The following RAB5C variants were observed in gnomAD, a reference collection of about 807,000 sequenced individuals.
RAB5C encodes the protein ras-related protein Rab-5C.
In RAB5C, 4 loss-of-function variants were observed where a neutral mutation model predicts 25.2. The ratio of observed to expected loss-of-function variants is 0.16; its 90% CI spans 0.08 to 0.36. The LOEUF is 0.36. Among genes scored for constraint, RAB5C ranks in the 10% least tolerant of loss-of-function variants. The pLI, the probability that RAB5C is intolerant of heterozygous loss-of-function variation, is 1.00. For synonymous variants in RAB5C, 100 were observed against 106.4 expected, an observed-to-expected ratio of 0.94 and a Z score of 0.37; for missense variants, 199 against 283.8, an observed-to-expected ratio of 0.70 and a Z score of 2.15.
chr17:42,140,515 ATTTTTTTTTTTTT>A (rs10553272), intron 1 of RAB5C, among the ~76,000 whole-genome samples: 443 of 26,614 alleles, frequency 0.017, 7 homozygotes, highest in African/African-American at 0.063. Context: ...ATATATATAT[ATTTTTTTTTTTTT>A]TTTTTTTTTT....
At chr17:42,138,321 G>T (rs980117103) in intron 1 of RAB5C, among the ~76,000 whole-genome samples, 1 of 152,186 alleles carries the variant, frequency 6.6e-6, no homozygotes, top group African/African-American at 2.4e-5. Flanking sequence ...GGGAAGCTTG[G>T]CCCTGGCCCT....
At chr17:42,154,230 G>C (rs969151568) in intron 1 of RAB5C, among the ~76,000 whole-genome samples, 10 of 152,180 alleles carry the variant, frequency 6.6e-5, no homozygotes, top group African/African-American at 2.2e-4. Context: ...AAATTCTTCA[G>C]AGGCAGAAAG....
intron 1 of RAB5C, chr17:42,136,255 G>C (rs2054535536): frequency 6.6e-6 from 1 of 152,198 alleles, no homozygotes; most frequent in African/African-American, 2.4e-5. Flanking sequence ...TAGTTGGGGA[G>C]ATGATTTACC....
chr17:42,148,896 T>C (rs898966435), intron 1 of RAB5C, among the ~76,000 whole-genome samples: 74 of 152,130 alleles, frequency 4.9e-4, no homozygotes, highest in African/African-American at 1.8e-3. Context: ...ACATGGGGAT[T>C]AAACACAGAA....
intron 1 of RAB5C, among the ~76,000 whole-genome samples, chr17:42,146,101 C>G (rs565232461): frequency 6.6e-5 from 10 of 152,264 alleles, no homozygotes; most frequent in African/African-American, 1.7e-4. Context: ...GTCACCGCGC[C>G]TGGCCGAGAT....
At chr17:42,136,620 T>C (rs2054539095) in intron 1 of RAB5C, 1 of 152,178 alleles carries the variant, frequency 6.6e-6, no homozygotes, top group South Asian at 2.1e-4. Flanking sequence ...TCAGATCAAG[T>C]GAAACAATGC....
At chr17:42,152,536 T>G (rs1355958614) in intron 1 of RAB5C, among the ~76,000 whole-genome samples, 2 of 152,102 alleles carry the variant, frequency 1.3e-5, no homozygotes. Flanking sequence ...CCTAGCACTT[T>G]GGGAGGCTGA....
chr17:42,128,495 A>G (rs1408032590), intron 3 of RAB5C, 112 bp from the exon 4 acceptor site: 4 of 1,457,270 alleles, frequency 2.7e-6, no homozygotes, highest in East Asian at 2.5e-5. Context: ...ATTGCCACCT[A>G]AAGATTCTGA....
chr17:42,129,714 G>A (rs2054466014), intron 2 of RAB5C, among the ~76,000 whole-genome samples: 1 of 152,198 alleles, frequency 6.6e-6, no homozygotes, highest in South Asian at 2.1e-4. Flanking sequence ...GTTTCCAGCT[G>A]CCTAGAAACC....
At position 42,125,741 on chromosome 17, in the gene RAB5C, T is replaced by C. The variant is rs371482256; in HGVS notation, c.*42A>G. On this transcript the variant is annotated 3_prime_UTR_variant, in exon 6 of 6. Coordinates refer to ENST00000346213, the MANE Select transcript of RAB5C (RefSeq NM_004583.4). ...GTTAGAGTGGATTCCAGTCGGGTCA[T>C]TCAGGCGGAGGAGGCGGGGGCAGCG... 7.0e-6 allele frequency: 10 copies of C among 1,421,698 alleles called. No individual in the cohort carries two copies. Among genetic ancestry groups the C allele is most frequent in the Non-Finnish European group, 9.7e-6 (10 of 1,033,734 alleles). The allele number at this position is 1,421,698 out of a possible 1,614,324, so 88.1% of individuals were successfully genotyped here.
At chr17:42,150,830 GA>G (rs2144102395) in intron 1 of RAB5C, among the ~76,000 whole-genome samples, 1 of 151,710 alleles carries the variant, frequency 6.6e-6, no homozygotes, top group East Asian at 1.9e-4. Flanking sequence ...CTGGGCAACA[GA>G]ATGAGAATGA....
rs148334791 is a variant in RAB5C, at chr17:42,125,935, AC to A, written c.536-38del. On this transcript the variant is annotated intron_variant, in intron 5 of 5. Coordinates refer to ENST00000346213, the MANE Select transcript of RAB5C (RefSeq NM_004583.4). Reference sequence around the variant, plus strand: ...GGGGAAAAGTGCATTTGTTGGGGGTACCCCAATAACTCTCCCAGTTCCACTG... The same window carrying A: ...GGGGAAAAGTGCATTTGTTGGGGGTACCCAATAACTCTCCCAGTTCCACTG... The A allele has an allele frequency of 2.4e-3, 3,421 of 1,439,328 alleles. 70 individuals carry two copies. The African/African-American group carries it at 0.043, about 18-fold the overall frequency. The allele number at this position is 1,439,328 out of a possible 1,614,324, so 89.2% of individuals were successfully genotyped here. A position where few individuals can be genotyped will look rare whatever the true frequency, so the allele number is the denominator to read the frequency against.
chr17:42,125,765 C>G lies in RAB5C; in HGVS notation c.*18G>C. The G allele has an allele frequency of 6.4e-7, 1 of 1,558,336 alleles. No individual in the cohort carries two copies. The highest frequency in any genetic ancestry group is 8.7e-7 in the Non-Finnish European group (1 of 1,146,662). ...ATTCAGGCGGAGGAGGCGGGGGCAG[C>G]GGGCAGGCAAGGGGGGCTCAGTTGC... On this transcript the variant is annotated 3_prime_UTR_variant, in exon 6 of 6. Coordinates refer to ENST00000346213, the MANE Select transcript of RAB5C (RefSeq NM_004583.4).
intron 1 of RAB5C, among the ~76,000 whole-genome samples, chr17:42,134,344 T>G (rs1450590472): frequency 6.6e-6 from 1 of 152,188 alleles, no homozygotes; most frequent in Non-Finnish European, 1.5e-5. Context: ...TAGCCAAAAC[T>G]GACATAGTTT....
At chr17:42,130,287 T>C (rs757716374) in intron 2 of RAB5C, 50 bp downstream of exon 2, 7 of 1,549,898 alleles carry the variant, frequency 4.5e-6, no homozygotes, top group Non-Finnish European at 6.1e-6. Context: ...GGTCAAAGCA[T>C]TTCTTTGGCA....
At chr17:42,154,771 G>C (rs867557325) in intron 1 of RAB5C, 122 bp downstream of exon 1, 1 of 152,360 alleles carries the variant, frequency 6.6e-6, no homozygotes, top group South Asian at 2.1e-4. Flanking sequence ...CCCCTCAAGA[G>C]GGGGCTACGG....
At chr17:42,128,531 GCCCACCC>G in intron 3 of RAB5C, 111 bp downstream of exon 3, 1 of 1,188,306 alleles carries the variant, frequency 8.4e-7, no homozygotes, top group Non-Finnish European at 1.1e-6. Flanking sequence ...CAGGAAATCT[GCCCACCC>G]CCCACCCAGG....
intron 1 of RAB5C, among the ~76,000 whole-genome samples, chr17:42,135,582 G>T (rs894572196): frequency 6.6e-6 from 1 of 151,834 alleles, no homozygotes; most frequent in South Asian, 2.2e-4. Flanking sequence ...AGGCACCCCC[G>T]ATCAGTGCTG....
In RAB5C at chr17:42,130,574, G is replaced by A. The variant is rs750431886; in HGVS notation, c.-72C>T. 8 of 1,588,822 alleles carry A rather than the reference G, an allele frequency of 5.0e-6. No individual in the cohort carries two copies. The East Asian group carries it at 1.4e-4, about 27-fold the overall frequency. On this transcript the variant is annotated 5_prime_UTR_variant, in exon 2 of 6. Transcript: ENST00000346213. ...GTGCTATGCAAAGAGGCACTTAGTGGGGAGGGGGACCTCCAACTGTAAGGG... is the reference window on the plus strand; with the variant it reads ...GTGCTATGCAAAGAGGCACTTAGTGAGGAGGGGGACCTCCAACTGTAAGGG...
Sources: allele counts gnomAD v4.1 joint callset (sites outside exome capture counted in the v4.1 genomes callset), GRCh38; gene constraint gnomAD v4.1.1; transcripts MANE v1.5; gene names NCBI Gene and HGNC (gene_info 2026-07-23, HGNC 2026-07-21).